TFRC: variants seen among roughly 807,000 people sequenced by gnomAD.
The protein encoded by TFRC is transferrin receptor, also known as transferrin receptor protein 1.
TFRC carries 35 observed loss-of-function variants against 85.8 expected under a neutral mutation model. The ratio of observed to expected loss-of-function variants is 0.41; its 90% CI spans 0.31 to 0.54. The LOEUF (loss-of-function observed/expected upper bound fraction) is 0.54, where lower values mean the gene tolerates loss of function less well. Among genes scored for constraint, TFRC ranks in the 20% least tolerant of loss-of-function variants. The pLI, the probability that TFRC is intolerant of heterozygous loss-of-function variation, is 0.31. For synonymous variants in TFRC, 362 were observed against 328.6 expected, an observed-to-expected ratio of 1.10 and a Z score of -1.10; for missense variants, 828 against 921.5, an observed-to-expected ratio of 0.90 and a Z score of 1.31.
chr3:196,062,699 C>T, intron 12 of TFRC, 54 bp from the exon 13 acceptor site: 3 of 1,566,550 alleles, frequency 1.9e-6, no homozygotes, highest in Non-Finnish European at 2.6e-6. Context: ...TTATCACATA[C>T]AGTAGCATTA....
At position 196,049,914 on chromosome 3, in the gene TFRC, C is replaced by T. The variant is rs1380126875; in HGVS notation, c.*2028G>A. On this transcript the variant is annotated 3_prime_UTR_variant, in exon 19 of 19. Coordinates refer to ENST00000360110, the MANE Select transcript of TFRC (RefSeq NM_001128148.3). The stretch of plus-strand genomic sequence containing the variant: ...CCTGAAGAGACCCTATGAACTTTTC[C>T]CTAGGAGGCCGTTTCCAACTGCCCT... 8.6e-6 allele frequency: 2 copies of T among 231,462 alleles called. No individual in the cohort carries two copies. Among genetic ancestry groups the T allele is most frequent in the Non-Finnish European group, 1.7e-5 (2 of 116,962 alleles). 14.3% of individuals were successfully genotyped at this position (231,462 alleles called of 1,614,324 possible).
chr3:196,075,478 G>T, intron 2 of TFRC, 118 bp from the exon 3 acceptor site: 1 of 973,982 alleles, frequency 1.0e-6, no homozygotes, highest in Non-Finnish European at 1.6e-6. Flanking sequence ...TCCTTAGGGT[G>T]TTCTCCTTTC....
At position 196,064,418 on chromosome 3, in the gene TFRC, A is replaced by C; in HGVS notation, c.1209T>G (p.Val403=). The stretch of plus-strand genomic sequence containing the variant: ...ATGCATCTCTCTGGGCCCCAACTAC[A>C]ACATAGTGATCTTTAAAAAAGAAAA... The part of the protein sequence containing the change: ...IKGFVEPDHY[V]VVGAQRDAWG... The change falls in exon 11 of 19, where the codon GTT becomes GTG. Residue 403 remains valine, a synonymous_variant. Coordinates refer to ENST00000360110, the MANE Select transcript of TFRC (RefSeq NM_001128148.3). 1 of 1,586,726 alleles carries C rather than the reference A, an allele frequency of 6.3e-7. No homozygotes were observed. The highest frequency in any genetic ancestry group is 1.2e-5 in the South Asian group (1 of 86,036).
chr3:196,055,035 C>G (rs764816207), intron 17 of TFRC, 45 bp downstream of exon 17: 17 of 1,570,364 alleles, frequency 1.1e-5, no homozygotes, highest in Non-Finnish European at 1.5e-5. Context: ...TTTCAAAATA[C>G]TTGACATTCA....
Position 196,068,076 on chromosome 3 carries a change from T to A in TFRC, c.856A>T (p.Thr286Ser). 1 of 1,613,558 alleles carries A rather than the reference T, an allele frequency of 6.2e-7. No homozygotes were observed. Among genetic ancestry groups the A allele is most frequent in the Non-Finnish European group, 8.5e-7 (1 of 1,179,858 alleles). The change falls in exon 8 of 19, where the codon ACT becomes TCT. Residue 286 changes from threonine to serine, a missense_variant. By Grantham distance (58) the Thr-to-Ser change is moderately conservative (BLOSUM62 1). Coordinates refer to ENST00000360110, the MANE Select transcript of TFRC (RefSeq NM_001128148.3). ...TCTGCGTTAACAATGGGAAATTTAG[T>A]CTGGTCCATGTATATCAACACACCA... Reference protein sequence around the residue: ...AIGVLIYMDQTKFPIVNAELS... With the variant: ...AIGVLIYMDQSKFPIVNAELS...
At chr3:196,063,123 G>A in intron 11 of TFRC, 184 bp from the exon 12 acceptor site, 2 of 531,414 alleles carry the variant, frequency 3.8e-6, no homozygotes, top group African/African-American at 1.9e-5. Context: ...CCAGGTAAAA[G>A]AATAAAAGAA....
chr3:196,080,839 G>C (rs1423140898), intron 1 of TFRC, among the ~76,000 whole-genome samples: 1 of 151,516 alleles, frequency 6.6e-6, no homozygotes, highest in Non-Finnish European at 1.5e-5. Context: ...ATTCAGGGCC[G>C]GGGGGCGGGG....
intron 2 of TFRC, 65 bp from the exon 3 acceptor site, chr3:196,075,425 G>T: frequency 6.7e-7 from 1 of 1,496,328 alleles, no homozygotes; most frequent in Non-Finnish European, 9.3e-7. Flanking sequence ...GCTCGTTTAG[G>T]TATATGCTTG....
chr3:196,052,790 C>T (rs41298089), intron 18 of TFRC, among the ~76,000 whole-genome samples: 28,453 of 151,794 alleles, frequency 0.19, 3,137 homozygotes, highest in Non-Finnish European at 0.25. Flanking sequence ...ATGCTGAGAA[C>T]CAGGCTAATG....
chr3:196,052,321 A>G, intron 18 of TFRC, 137 bp from the exon 19 acceptor site: 1 of 937,798 alleles, frequency 1.1e-6, no homozygotes, highest in Non-Finnish European at 1.5e-6. Flanking sequence ...TTTTTGACAC[A>G]GAGTTTCGCT....
intron 1 of TFRC, among the ~76,000 whole-genome samples, chr3:196,079,274 C>A (rs1380430623): frequency 6.6e-6 from 1 of 152,140 alleles, no homozygotes; most frequent in Non-Finnish European, 1.5e-5. Flanking sequence ...TCATCTGAAC[C>A]ATCATTCCTC....
intron 17 of TFRC, among the ~76,000 whole-genome samples, chr3:196,054,104 G>A (rs1014744667): frequency 1.3e-5 from 2 of 152,186 alleles, no homozygotes; most frequent in African/African-American, 4.8e-5. Context: ...CGGGCGTGGT[G>A]GCCGGCACCT....
rs966624969 is a variant in TFRC, at chr3:196,074,267, A to G, written c.239-142T>C. Reference sequence around the variant, plus strand: ...AGTTTTAAAGTATATAATGCATCTCAGTTTTGTATACTTTAAACCACTTAA... The same window carrying G: ...AGTTTTAAAGTATATAATGCATCTCGGTTTTGTATACTTTAAACCACTTAA... On this transcript the variant is annotated intron_variant, in intron 3 of 18. Coordinates refer to ENST00000360110, the MANE Select transcript of TFRC (RefSeq NM_001128148.3). 3 of 683,004 alleles carry G rather than the reference A, an allele frequency of 4.4e-6. No individual in the cohort carries two copies. In the African/African-American group the frequency reaches 5.5e-5, roughly 12 times the overall value. 42.3% of individuals were successfully genotyped at this position (683,004 alleles called of 1,614,324 possible). A position where few individuals can be genotyped will look rare whatever the true frequency, so the allele number is the denominator to read the frequency against.
chr3:196,071,460 C>T lies in TFRC; in HGVS notation c.623G>A (p.Arg208Lys), dbSNP rs1410709790. The T allele has an allele frequency of 1.2e-6, 2 of 1,613,976 alleles. No individual in the cohort carries two copies. Among genetic ancestry groups the T allele is most frequent in the African/African-American group, 2.7e-5 (2 of 74,908 alleles). Residue 208 changes from arginine to lysine, a missense_variant, in exon 6 of 19, where the codon AGA (arginine) becomes AAA (lysine). Coordinates refer to ENST00000360110, the MANE Select transcript of TFRC (RefSeq NM_001128148.3). ...NSVIIVDKNG[R>K]LVYLVENPGG... is the part of the protein sequence containing the mutation. Reference sequence around the variant, plus strand: ...AGGATTCTCCACCAGGTAAACAAGTCTACCGTTCTTATCAACTATGATCAC... The same window carrying T: ...AGGATTCTCCACCAGGTAAACAAGTTTACCGTTCTTATCAACTATGATCAC...
chr3:196,069,410 G>T, intron 7 of TFRC, 45 bp downstream of exon 7: 1 of 1,140,024 alleles, frequency 8.8e-7, no homozygotes, highest in Non-Finnish European at 1.3e-6. Flanking sequence ...TGAAGAGTAA[G>T]ATACCAAAAG....
intron 16 of TFRC, 144 bp from the exon 17 acceptor site, chr3:196,055,445 C>T: frequency 1.5e-6 from 1 of 665,764 alleles, no homozygotes. Flanking sequence ...CCAATTCTAT[C>T]TCATTATCTG....
intron 4 of TFRC, among the ~76,000 whole-genome samples, chr3:196,073,091 A>G (rs1013334901): frequency 1.3e-5 from 2 of 150,548 alleles, no homozygotes; most frequent in Non-Finnish European, 3.0e-5. Flanking sequence ...ATGGTGGTAC[A>G]AGCCTGTGAT....
intron 10 of TFRC, 86 bp from the exon 11 acceptor site, chr3:196,064,514 A>G: frequency 7.5e-7 from 1 of 1,331,506 alleles, no homozygotes; most frequent in Admixed American, 2.7e-5. Context: ...AGAAAGGTAA[A>G]AGCACAGTAT....
At chr3:196,060,515 T>C (rs1268417774) in intron 13 of TFRC, 1 of 373,928 alleles carries the variant, frequency 2.7e-6, no homozygotes, top group Non-Finnish European at 4.9e-6. Context: ...TCAGAGCAGT[T>C]AGGCCGGGCA....
Sources: allele counts gnomAD v4.1 joint callset (sites outside exome capture counted in the v4.1 genomes callset), GRCh38; gene constraint gnomAD v4.1.1; transcripts MANE v1.5; gene names NCBI Gene and HGNC (gene_info 2026-07-23, HGNC 2026-07-21).